Variants in GON4L observed in about 807,000 individuals in gnomAD.
GON4L encodes gon-4 like.
In GON4L, 87 loss-of-function variants were observed where a neutral mutation model predicts 211.8. The ratio of observed to expected loss-of-function variants is 0.41; its 90% CI spans 0.35 to 0.49. The LOEUF (loss-of-function observed/expected upper bound fraction) is 0.49. Ranked by LOEUF, GON4L falls within the 20% of genes least tolerant of loss-of-function variation. The pLI is 0.15. For missense variants in GON4L, 2,155 were observed against 2,659.5 expected, an observed-to-expected ratio of 0.81 and a Z score of 4.17; for synonymous variants, 875 against 962.6, an observed-to-expected ratio of 0.91 and a Z score of 1.68.
At chr1:155,849,509 A>G (rs1396271310) in intron 2 of GON4L, among the ~76,000 whole-genome samples, 2 of 140,322 alleles carry the variant, frequency 1.4e-5, no homozygotes, top group African/African-American at 5.4e-5. Flanking sequence ...GTGCCACTGC[A>G]CTCCAACCTG....
chr1:155,834,727 AC>A (rs913938131), intron 2 of GON4L, among the ~76,000 whole-genome samples: 3 of 152,038 alleles, frequency 2.0e-5, no homozygotes, highest in Non-Finnish European at 4.4e-5. Flanking sequence ...TGCCATGGCA[AC>A]CCCCAGATGT....
intron 27 of GON4L, 44 bp downstream of exon 27, chr1:155,756,914 G>A (rs1661250659): frequency 6.8e-7 from 1 of 1,470,668 alleles, no homozygotes; most frequent in Non-Finnish European, 9.5e-7. Context: ...GGGTGACAGA[G>A]CGAGATTCTG....
At chr1:155,841,247 GTTGTT>G (rs1289721178) in intron 2 of GON4L, among the ~76,000 whole-genome samples, 1 of 152,072 alleles carries the variant, frequency 6.6e-6, no homozygotes, top group Admixed American at 6.6e-5. Flanking sequence ...TTCTTTATGT[GTTGTT>G]TTATCTACAG....
chr1:155,801,214 AG>A, intron 11 of GON4L, among the ~76,000 whole-genome samples: 1 of 152,196 alleles, frequency 6.6e-6, no homozygotes, highest in Admixed American at 6.5e-5. Flanking sequence ...AAACTTTAAA[AG>A]ATATGTATCT....
chr1:155,798,408 CTTTTTTTTTT>C (rs35010499), intron 11 of GON4L, among the ~76,000 whole-genome samples: 1 of 125,032 alleles, frequency 8.0e-6, no homozygotes, highest in Non-Finnish European at 1.7e-5. Flanking sequence ...ACAGCAAGTT[CTTTTTTTTTT>C]TTTTTTTTTG....
chr1:155,805,836 CCAGCCACGACATCTGA>C (rs373034082), intron 10 of GON4L, among the ~76,000 whole-genome samples: 86 of 148,684 alleles, frequency 5.8e-4, no homozygotes, highest in African/African-American at 2.1e-3. Flanking sequence ...ATTACAGGCA[CCAGCCACGACATCTGA>C]CTAATTTTTG....
chr1:155,857,504 C>T (rs1433275230), upstream of GON4L, among the ~76,000 whole-genome samples: 1 of 152,196 alleles, frequency 6.6e-6, no homozygotes, highest in East Asian at 1.9e-4. Flanking sequence ...CGGAGGCGGG[C>T]GGATTACCTG....
At chr1:155,761,050 T>C (rs1661732994) in intron 23 of GON4L, among the ~76,000 whole-genome samples, 1 of 151,818 alleles carries the variant, frequency 6.6e-6, no homozygotes, top group African/African-American at 2.4e-5. Context: ...CATTAGGAGA[T>C]AAGAAAAAGC....
chr1:155,838,613 A>G (rs1670516159), intron 2 of GON4L, among the ~76,000 whole-genome samples: 1 of 152,026 alleles, frequency 6.6e-6, no homozygotes, highest in South Asian at 2.1e-4. Context: ...CATGGCTACT[A>G]AAAATACAAA....
At chr1:155,794,877 T>C (rs1431923924) in intron 12 of GON4L, among the ~76,000 whole-genome samples, 173 bp downstream of exon 12, 1 of 152,234 alleles carries the variant, frequency 6.6e-6, no homozygotes, top group East Asian at 1.9e-4. Context: ...GAATAACTGA[T>C]GGGCTTTCTG....
In GON4L at chr1:155,810,434, A is replaced by G. The variant is rs576152455; in HGVS notation, c.1452+3200T>C. Among the ~76,000 whole-genome samples, 3 of 151,428 alleles carry G rather than the reference A, an allele frequency of 2.0e-5. No individual in the cohort carries two copies. In the East Asian group the frequency reaches 5.8e-4, roughly 30 times the overall value. ...TAAAATTTACTGGCTAAGGCCAGGC[A>G]TGGTGGCTCACGCCTGTAATCCTAG... On this transcript the variant is annotated intron_variant, in intron 10 of 31. Coordinates refer to ENST00000368331, the MANE Select transcript of GON4L (RefSeq NM_001282860.2).
chr1:155,855,414 T>A (rs1341248091), intron 1 of GON4L, among the ~76,000 whole-genome samples: 1 of 152,104 alleles, frequency 6.6e-6, no homozygotes, highest in Non-Finnish European at 1.5e-5. Flanking sequence ...TGCACTGCAG[T>A]GGCACGAACA....
At position 155,766,596 on chromosome 1, in the gene GON4L, G is replaced by T; in HGVS notation, c.2877C>A (p.Asp959Glu). 6.2e-7 allele frequency: 1 copy of T among 1,614,116 alleles called. No individual in the cohort carries two copies. Reference protein sequence around the residue: ...EINSDRSLEKDNLELGSESRY... With the variant: ...EINSDRSLEKENLELGSESRY... ...GAGATTCACTCCCCAACTCCAAATT[G>T]TCTTTTTCTAGGCTTCGATCTGAGT... Residue 959 changes from aspartate to glutamate, a missense_variant, in exon 21 of 32, where the codon GAC becomes GAA. Around this residue, in one of 6 missense-constraint regions of GON4L, gnomAD observed 615 missense variants for 625.7 expected, o/e 0.98. Coordinates refer to ENST00000368331, the MANE Select transcript of GON4L (RefSeq NM_001282860.2).
intron 2 of GON4L, among the ~76,000 whole-genome samples, chr1:155,841,670 C>T (rs1670782111): frequency 6.6e-6 from 1 of 152,176 alleles, no homozygotes; most frequent in Admixed American, 6.6e-5. Flanking sequence ...ACATGAGGGA[C>T]CTGGGGCAGG....
chr1:155,814,934 G>A (rs1438475369), intron 8 of GON4L, among the ~76,000 whole-genome samples: 2 of 152,022 alleles, frequency 1.3e-5, no homozygotes, highest in Middle Eastern at 3.4e-3. Context: ...CCAACATGGC[G>A]AAACCCCATC....
chr1:155,835,269 GCATGCTCGTTAAGTCAT>G, intron 2 of GON4L, among the ~76,000 whole-genome samples: 1 of 152,202 alleles, frequency 6.6e-6, no homozygotes, highest in East Asian at 1.9e-4. Flanking sequence ...CTTGAAGGCA[GCATGCTCGTTAAGTCAT>G]CACCACTCCC....
At chr1:155,754,247 A>G in intron 28 of GON4L, 128 bp downstream of exon 28, 1 of 748,010 alleles carries the variant, frequency 1.3e-6, no homozygotes, top group Non-Finnish European at 2.5e-6. Flanking sequence ...TTGCATATGT[A>G]CACATATGTG....
Position 155,774,761 on chromosome 1 carries a change from C to G in GON4L, c.2350+241G>C, listed in dbSNP as rs1042300433. 7.5e-5 allele frequency: 45 copies of G among 599,938 alleles called. 1 individual carries two copies. The East Asian group carries it at 7.7e-4, about 10-fold the overall frequency. The allele number at this position is 599,938 out of a possible 1,614,324, so 37.2% of individuals were successfully genotyped here. A position where few individuals can be genotyped will look rare whatever the true frequency, so the allele number is the denominator to read the frequency against. ...CAATTCTTAGCACTGAGCCTCAGAT[C>G]TCTACCTCCCATATTCCTATACTGT... On this transcript the variant is annotated intron_variant, in intron 17 of 31. Transcript: ENST00000368331.
Position 155,853,591 on chromosome 1 carries a change from A to G in GON4L, c.190T>C (p.Leu64=), listed in dbSNP as rs1672009092. 2.5e-6 allele frequency: 4 copies of G among 1,614,074 alleles called. No homozygotes were observed. The South Asian group carries it at 4.4e-5, about 18-fold the overall frequency. ...CCAAGCTGATTTCCTGCATCCTGCA[A>G]AGACTGTACTTCGAAGCCAGCTACT... The part of the protein sequence containing the change: ...GRVAGFEVQS[L]QDAGNQLGME... Residue 64 remains leucine, a synonymous_variant, in exon 2 of 32, where the codon TTG becomes CTG. Coordinates refer to ENST00000368331, the MANE Select transcript of GON4L (RefSeq NM_001282860.2).
Sources: allele counts gnomAD v4.1 joint callset (sites outside exome capture counted in the v4.1 genomes callset), GRCh38; gene constraint gnomAD v4.1.1; regional missense constraint gnomAD v4.1.1; transcripts MANE v1.5; gene names NCBI Gene and HGNC (gene_info 2026-07-23, HGNC 2026-07-21).